The following DYSF variants were observed in gnomAD, a reference collection of about 807,000 sequenced individuals.
DYSF encodes dysferlin, also known as dystrophy-associated fer-1-like 1.
In DYSF, 212 loss-of-function variants were observed where a neutral mutation model predicts 274.9. The observed-to-expected ratio is 0.77, with a 90% CI of 0.69 to 0.86. The LOEUF (loss-of-function observed/expected upper bound fraction) is 0.86. Ranked by LOEUF, DYSF falls within the 40% of genes least tolerant of loss-of-function variation. The pLI, the probability that DYSF is intolerant of heterozygous loss-of-function variation, is 0.00. For synonymous variants in DYSF, 1,091 were observed against 1,078.7 expected (o/e 1.01, Z -0.22); for missense variants, 2,666 against 2,783.2 (o/e 0.96, Z 0.95).
chr2:71,661,864 G>C (rs1306949219), intron 45 of DYSF, among the ~76,000 whole-genome samples: 2 of 152,164 alleles, frequency 1.3e-5, no homozygotes, highest in African/African-American at 2.4e-5. Flanking sequence ...ACCAGCCCTG[G>C]CCAGTGATGA....
At chr2:71,556,731 C>G (rs941542099) in intron 22 of DYSF, among the ~76,000 whole-genome samples, 2 of 152,232 alleles carry the variant, frequency 1.3e-5, no homozygotes, top group Non-Finnish European at 2.9e-5. Context: ...AGCTCCTGGT[C>G]TCTTTATCTG....
intron 1 of DYSF, among the ~76,000 whole-genome samples, chr2:71,473,239 AG>A (rs2082162408): frequency 6.6e-6 from 1 of 152,236 alleles, no homozygotes; most frequent in Non-Finnish European, 1.5e-5. Flanking sequence ...GTCTGTACCA[AG>A]AGGTAATACA....
At chr2:71,574,428 C>T in intron 30 of DYSF, 57 bp downstream of exon 30, 2 of 1,584,868 alleles carry the variant, frequency 1.3e-6, no homozygotes, top group East Asian at 2.2e-5. Context: ...TTTCCCAGGG[C>T]TGTTCGGGCT....
intron 41 of DYSF, among the ~76,000 whole-genome samples, chr2:71,636,368 G>A (rs950007549): frequency 1.3e-5 from 2 of 152,108 alleles, no homozygotes; most frequent in Admixed American, 6.5e-5. Context: ...GGGATGATGG[G>A]GCTGGACTGG....
At chr2:71,542,516 T>C (rs2090015148) in intron 17 of DYSF, among the ~76,000 whole-genome samples, 1 of 152,108 alleles carries the variant, frequency 6.6e-6, no homozygotes, top group African/African-American at 2.4e-5. Context: ...CAGAGGACCC[T>C]GGGGCCTTCC....
rs372275408 is a variant in DYSF, at chr2:71,590,789, G to A, written c.3574+501G>A. ...TCCTGCCATGGCCCTGGGGTTGGCAGCCATCTGTTACCCAGGCTGGAAATT... is the reference window on the plus strand; with the variant it reads ...TCCTGCCATGGCCCTGGGGTTGGCAACCATCTGTTACCCAGGCTGGAAATT... On this transcript the variant is annotated intron_variant, in intron 32 of 55. Transcript: ENST00000410020. 8.5e-5 allele frequency among the ~76,000 whole-genome samples: 13 copies of A among 152,280 alleles called. No individual in the cohort carries two copies. In the East Asian group the frequency reaches 2.3e-3, roughly 27 times the overall value.
At chr2:71,577,173 G>C (rs1157255860) in intron 30 of DYSF, 1 of 153,152 alleles carries the variant, frequency 6.5e-6, no homozygotes, top group Admixed American at 6.6e-5. Flanking sequence ...CCACTTGACT[G>C]TCTGGAAGAC....
At chr2:71,478,172 T>C (rs1409713732) in intron 1 of DYSF, among the ~76,000 whole-genome samples, 3 of 151,940 alleles carry the variant, frequency 2.0e-5, no homozygotes, top group African/African-American at 7.2e-5. Flanking sequence ...AATTCATAGA[T>C]GCAGGCCACC....
chr2:71,585,795 C>T (rs1326983078), intron 30 of DYSF, among the ~76,000 whole-genome samples: 3 of 152,092 alleles, frequency 2.0e-5, no homozygotes, highest in Non-Finnish European at 2.9e-5. Context: ...GCTGGGCTCT[C>T]AGTGGGACAA....
intron 14 of DYSF, among the ~76,000 whole-genome samples, chr2:71,532,738 A>G (rs2152757810): frequency 6.6e-6 from 1 of 152,310 alleles, no homozygotes; most frequent in South Asian, 2.1e-4. Flanking sequence ...GACCTGGGGC[A>G]CAGAGTTGGC....
At chr2:71,492,442 T>C (rs1259884339) in intron 3 of DYSF, among the ~76,000 whole-genome samples, 1 of 152,214 alleles carries the variant, frequency 6.6e-6, no homozygotes, top group East Asian at 1.9e-4. Flanking sequence ...CAGGGGGAGA[T>C]ACAGTGAGTC....
chr2:71,477,561 T>G (rs1372155665), intron 1 of DYSF, among the ~76,000 whole-genome samples: 1 of 152,188 alleles, frequency 6.6e-6, no homozygotes, highest in East Asian at 1.9e-4. Flanking sequence ...GACATTAATG[T>G]ATGAGTGTAA....
chr2:71,506,156 TGAG>T (rs985838956), intron 4 of DYSF, among the ~76,000 whole-genome samples: 69 of 152,254 alleles, frequency 4.5e-4, no homozygotes, highest in African/African-American at 1.6e-3. Flanking sequence ...TTGGTTTTGA[TGAG>T]CTCAGTGTTG....
chr2:71,532,216 T>C (rs1019006351), intron 14 of DYSF, among the ~76,000 whole-genome samples: 2 of 152,244 alleles, frequency 1.3e-5, no homozygotes, highest in African/African-American at 2.4e-5. Context: ...AATTTTCCTC[T>C]TTTATAAACA....
At chr2:71,667,184 G>T (rs1368197462) in intron 47 of DYSF, among the ~76,000 whole-genome samples, 192 bp from the exon 48 acceptor site, 1 of 152,166 alleles carries the variant, frequency 6.6e-6, no homozygotes, top group Non-Finnish European at 1.5e-5. Flanking sequence ...TGGAGCTAGT[G>T]GACAGCAAGA....
chr2:71,542,190 G>T (rs1038999986), intron 17 of DYSF, among the ~76,000 whole-genome samples: 18 of 152,124 alleles, frequency 1.2e-4, no homozygotes, highest in Admixed American at 9.8e-4. Context: ...AAATCATGAG[G>T]TTATAAAAGT....
chr2:71,676,908 A>T (rs1446276458), intron 52 of DYSF, among the ~76,000 whole-genome samples: 1 of 144,790 alleles, frequency 6.9e-6, no homozygotes, highest in African/African-American at 2.6e-5. Context: ...TATGTAGATC[A>T]TGCTGAGATA....
intron 3 of DYSF, among the ~76,000 whole-genome samples, chr2:71,488,312 A>G (rs895437172): frequency 6.6e-6 from 1 of 152,228 alleles, no homozygotes; most frequent in African/African-American, 2.4e-5. Flanking sequence ...ATGCCTTCTC[A>G]GTGGAAATTA....
At chr2:71,590,317 A>G in intron 32 of DYSF, 29 bp downstream of exon 32, 1 of 1,612,676 alleles carries the variant, frequency 6.2e-7, no homozygotes, top group South Asian at 1.1e-5. Flanking sequence ...GGAGAGTCAG[A>G]GACTGTGGGC....
Sources: allele counts gnomAD v4.1 joint callset (sites outside exome capture counted in the v4.1 genomes callset), GRCh38; gene constraint gnomAD v4.1.1; transcripts MANE v1.5; gene names NCBI Gene and HGNC (gene_info 2026-07-23, HGNC 2026-07-21).